Variants in RUNX1T1 observed in about 807,000 individuals in gnomAD.
The protein encoded by RUNX1T1 is protein CBFA2T1.
A neutral mutation model predicts 62.8 loss-of-function variants in RUNX1T1; 4 were observed. The observed-to-expected ratio is 0.06, with a 90% CI of 0.03 to 0.15. RUNX1T1 has a LOEUF of 0.15. Ranked by LOEUF, RUNX1T1 falls within the 10% of genes least tolerant of loss-of-function variation. The pLI, the probability that RUNX1T1 is intolerant of heterozygous loss-of-function variation, is 1.00. For missense variants in RUNX1T1, 508 were observed against 754.3 expected, an observed-to-expected ratio of 0.67 and a Z score of 3.82; for synonymous variants, 291 against 286.0, an observed-to-expected ratio of 1.02 and a Z score of -0.18.
chr8:92,078,334 C>A (rs1254607629), intron 1 of RUNX1T1, among the ~76,000 whole-genome samples: 1 of 151,930 alleles, frequency 6.6e-6, no homozygotes, highest in Non-Finnish European at 1.5e-5. Context: ...TGGTAATAAG[C>A]ACGATGTTCA....
intron 8 of RUNX1T1, among the ~76,000 whole-genome samples, chr8:91,980,551 T>C (rs1814998044): frequency 6.6e-6 from 1 of 152,198 alleles, no homozygotes; most frequent in Admixed American, 6.5e-5. Flanking sequence ...AGAAGTACTT[T>C]GTAGATGAAA....
chr8:91,959,585 T>A (rs1810020178), exon 11 of RUNX1T1: 2 of 217,792 alleles, frequency 9.2e-6, no homozygotes, highest in Non-Finnish European at 1.9e-5. Context: ...AAATCATCTT[T>A]CATTTTTCAT....
At position 92,010,703 on chromosome 8, in the gene RUNX1T1, C is replaced by A. The variant is rs190630893; in HGVS notation, c.477+299G>T. Reference sequence around the variant, plus strand: ...AAGCTCAACCAATCTTCTGTTCACTCTAAAGACAAGCAAAATGTAAAATAA... The same window carrying A: ...AAGCTCAACCAATCTTCTGTTCACTATAAAGACAAGCAAAATGTAAAATAA... On this transcript the variant is annotated intron_variant, in intron 4 of 10. Coordinates refer to ENST00000396218, the Ensembl canonical transcript of RUNX1T1. 466 of 218,952 alleles carry A rather than the reference C, an allele frequency of 2.1e-3. 2 individuals are homozygous for A. The highest frequency in any genetic ancestry group is 5.9e-3 in the Middle Eastern group (4 of 680). 13.6% of individuals were successfully genotyped at this position (218,952 alleles called of 1,614,324 possible).
chr8:91,956,043 T>A (rs2130325225), downstream of RUNX1T1: 1 of 230,396 alleles, frequency 4.3e-6, no homozygotes, highest in East Asian at 6.2e-5. Context: ...TGTCAGCTGA[T>A]CTGCCATTCG....
At chr8:91,966,537 A>G (rs1359664507) in intron 10 of RUNX1T1, among the ~76,000 whole-genome samples, 1 of 152,202 alleles carries the variant, frequency 6.6e-6, no homozygotes, top group African/African-American at 2.4e-5. Flanking sequence ...AGTATAAGGT[A>G]TGGATCTCAA....
intron 8 of RUNX1T1, among the ~76,000 whole-genome samples, chr8:91,980,698 G>A (rs1815031657): frequency 6.6e-6 from 1 of 151,998 alleles, no homozygotes; most frequent in Non-Finnish European, 1.5e-5. Context: ...TTGAGACAAG[G>A]TCTTGCTCTG....
chr8:91,961,603 G>C (rs746508503), intron 10 of RUNX1T1, among the ~76,000 whole-genome samples: 2 of 152,182 alleles, frequency 1.3e-5, no homozygotes, highest in Non-Finnish European at 2.9e-5. Context: ...ACCTTTTGGG[G>C]ACAGGCCCTA....
chr8:91,984,882 G>A (rs1816219868), intron 8 of RUNX1T1, among the ~76,000 whole-genome samples: 1 of 152,008 alleles, frequency 6.6e-6, no homozygotes, highest in South Asian at 2.1e-4. Flanking sequence ...TTTAAAATAT[G>A]CTTCAGAATA....
upstream of RUNX1T1, among the ~76,000 whole-genome samples, chr8:92,065,999 T>C (rs1251914012): frequency 6.6e-6 from 1 of 152,174 alleles, no homozygotes; most frequent in African/African-American, 2.4e-5. Context: ...GAATTAATAG[T>C]TTCAGATATT....
At chr8:92,072,146 A>C (rs147840159) in intron 2 of RUNX1T1, among the ~76,000 whole-genome samples, 62 of 152,360 alleles carry the variant, frequency 4.1e-4, no homozygotes, top group African/African-American at 1.4e-3. Flanking sequence ...ATAATTTTTA[A>C]CATGCTTGAT....
intron 5 of RUNX1T1, chr8:92,003,221 C>G: frequency 2.5e-6 from 1 of 392,212 alleles, no homozygotes; most frequent in Admixed American, 2.7e-5. Flanking sequence ...AGCGACAGAG[C>G]ATCAAAACAA....
In RUNX1T1 at chr8:92,078,130, G is replaced by C. The variant is rs986428463; in HGVS notation, c.-85-1993C>G. ...AAACAATATACAATGTAAATCTAAA[G>C]TCACCCATGAGGATTTTCACCACTT... On this transcript the variant is annotated intron_variant, in intron 1 of 11. Coordinates refer to the RUNX1T1 transcript ENST00000265814. 5.7e-4 allele frequency among the ~76,000 whole-genome samples: 86 copies of C among 151,182 alleles called. 1 individual carries two copies. The highest frequency in any genetic ancestry group is 2.5e-4 in the Non-Finnish European group (17 of 67,854).
chr8:91,986,468 AG>A lies in RUNX1T1; in HGVS notation c.997-144del, dbSNP rs1226335402. Reference sequence around the variant, plus strand: ...TTTCAGTCTAGTATTTTCTATGACTAGATTTGAAATTCAGAGCCAATAGATG... The same window carrying A: ...TTTCAGTCTAGTATTTTCTATGACTAATTTGAAATTCAGAGCCAATAGATG... On this transcript the variant is annotated intron_variant, in intron 7 of 10. Transcript: ENST00000396218. The A allele has an allele frequency of 4.6e-6, 3 of 653,968 alleles. No individual in the cohort carries two copies. The African/African-American group carries it at 5.4e-5, about 12-fold the overall frequency. The allele number at this position is 653,968 out of a possible 1,614,324, so 40.5% of individuals were successfully genotyped here.
rs754374466 is a variant in RUNX1T1, at chr8:91,975,993, G to T, written c.1199-20C>A. On this transcript the variant is annotated intron_variant, in intron 8 of 10. Transcript: ENST00000396218. ...GCGCGTCTATGAAAAGGATGGGAAG[G>T]GGGTGGAGAGAGGAGGAGAGTACTG... The T allele has an allele frequency of 2.5e-6, 4 of 1,586,736 alleles. No individual in the cohort carries two copies. Among genetic ancestry groups the T allele is most frequent in the Admixed American group, 1.7e-5 (1 of 59,966 alleles).
intron 5 of RUNX1T1, among the ~76,000 whole-genome samples, chr8:91,998,399 T>C (rs927652111): frequency 2.0e-5 from 3 of 152,178 alleles, no homozygotes; most frequent in Non-Finnish European, 2.9e-5. Context: ...ACCATCATTA[T>C]TGGGCCAGGT....
intron 1 of RUNX1T1, chr8:92,095,402 G>C: frequency 1.3e-6 from 2 of 1,535,540 alleles, no homozygotes; most frequent in African/African-American, 1.4e-5. Context: ...CCCAGACCGC[G>C]GCTTTGTATT....
At chr8:91,957,242 T>C, downstream of RUNX1T1, 1 of 222,742 alleles carries the variant, frequency 4.5e-6, no homozygotes, top group Non-Finnish European at 9.0e-6. Context: ...TTCTCTTCTT[T>C]AGGTTTATGA....
intron 10 of RUNX1T1, among the ~76,000 whole-genome samples, chr8:91,968,411 C>T (rs764974131): frequency 1.3e-5 from 2 of 152,154 alleles, no homozygotes; most frequent in African/African-American, 2.4e-5. Flanking sequence ...CATTAAACTT[C>T]TAAGAAATGA....
chr8:92,012,439 G>A (rs568620822), intron 3 of RUNX1T1, among the ~76,000 whole-genome samples: 2 of 152,162 alleles, frequency 1.3e-5, no homozygotes, highest in African/African-American at 4.8e-5. Flanking sequence ...GGGAAGGGAG[G>A]ATTGCTTATG....
Sources: gnomAD v4.1 joint callset for allele counts (sites outside exome capture counted in the v4.1 genomes callset) on GRCh38, gnomAD v4.1.1 for gene constraint, MANE v1.5 for transcripts, NCBI Gene and HGNC (gene_info 2026-07-23, HGNC 2026-07-21) for gene names.